Variants in PDSS1 observed in about 807,000 individuals in gnomAD.
PDSS1 encodes decaprenyl diphosphate synthase subunit 1.
A neutral mutation model predicts 57.5 loss-of-function variants in PDSS1; 43 were observed. That is an observed-to-expected ratio of 0.75 (90% CI 0.59 to 0.96). The LOEUF (loss-of-function observed/expected upper bound fraction) is 0.96, where lower values mean the gene tolerates loss of function less well. Ranked by LOEUF, PDSS1 falls within the 50% of genes least tolerant of loss-of-function variation. The pLI, the probability that PDSS1 is intolerant of heterozygous loss-of-function variation, is 0.00. For synonymous variants in PDSS1, 175 were observed against 191.3 expected, an observed-to-expected ratio of 0.91 and a Z score of 0.70; for missense variants, 438 against 527.8, an observed-to-expected ratio of 0.83 and a Z score of 1.67.
chr10:26,730,701 T>A (rs1011850520), intron 8 of PDSS1, among the ~76,000 whole-genome samples: 1 of 152,164 alleles, frequency 6.6e-6, no homozygotes, highest in African/African-American at 2.4e-5. Context: ...TTGCCCTGTT[T>A]TCTTCCCCTA....
At chr10:26,730,673 A>G (rs1432289694) in intron 8 of PDSS1, among the ~76,000 whole-genome samples, 1 of 152,142 alleles carries the variant, frequency 6.6e-6, no homozygotes, top group Non-Finnish European at 1.5e-5. Flanking sequence ...GAACTATACA[A>G]TACAGTAACT....
intron 4 of PDSS1, among the ~76,000 whole-genome samples, chr10:26,709,297 C>T (rs929633826): frequency 6.6e-6 from 1 of 152,224 alleles, no homozygotes; most frequent in Non-Finnish European, 1.5e-5. Context: ...CGGTGGCTCA[C>T]GCCTGTAATC....
At chr10:26,716,701 AAG>A (rs954597261) in intron 5 of PDSS1, among the ~76,000 whole-genome samples, 1 of 152,130 alleles carries the variant, frequency 6.6e-6, no homozygotes, top group Non-Finnish European at 1.5e-5. Flanking sequence ...AAAAAAAAAA[AAG>A]ATAATTTTTT....
At position 26,737,033 on chromosome 10, in the gene PDSS1, G is replaced by A. The variant is rs148556637; in HGVS notation, c.1026+1454G>A. 2.9e-4 allele frequency among the ~76,000 whole-genome samples: 44 copies of A among 152,308 alleles called. No individual in the cohort carries two copies. In the East Asian group the frequency reaches 8.3e-3, roughly 29 times the overall value. ...TTCTCAGATACTTGTTAGTAAACAT[G>A]AGTGAAGGAAAGCAAGATGGACTGA... On this transcript the variant is annotated intron_variant, in intron 10 of 11. Coordinates refer to ENST00000376215, the MANE Select transcript of PDSS1 (RefSeq NM_014317.5).
chr10:26,710,403 GC>G lies in PDSS1; in HGVS notation c.467+639del, dbSNP rs377625990. On this transcript the variant is annotated intron_variant, in intron 5 of 11. Transcript: ENST00000376215. ...TGGGACTACAGGCGCCTGCCACTGT[GC>G]CCCGCTAATTTTTTGTATTTTTAGT... Among the ~76,000 whole-genome samples, 395 of 92,458 alleles carry G rather than the reference GC, an allele frequency of 4.3e-3. 103 individuals carry two copies. Among genetic ancestry groups the G allele is most frequent in the African/African-American group, 0.013 (367 of 28,716 alleles). The allele number at this position is 92,458 out of a possible 152,430, so 60.7% of individuals were successfully genotyped here. A position where few individuals can be genotyped will look rare whatever the true frequency, so the allele number is the denominator to read the frequency against.
In PDSS1 at chr10:26,742,524, C is replaced by T. The variant is rs759262938; in HGVS notation, c.1054C>T (p.Arg352Ter). 1.6e-5 allele frequency: 26 copies of T among 1,611,678 alleles called. No homozygotes were observed. Among genetic ancestry groups the T allele is most frequent in the Non-Finnish European group, 2.2e-5 (26 of 1,178,502 alleles). The change falls in exon 11 of 12, where the codon CGA (arginine) becomes TGA (stop). Residue 352 changes from arginine to a stop codon, truncating the protein, a stop_gained. Transcript: ENST00000376215. LOFTEE classifies it high-confidence loss of function. Reference protein sequence around the residue: ...QFPEMNAMIMRRFSLPGDVDR... With the variant: ...QFPEMNAMIM ...CCCAGAAATGAATGCTATGATCATG[C>T]GACGGTTCAGTTTGCCTGGAGATGT...
intron 8 of PDSS1, among the ~76,000 whole-genome samples, chr10:26,727,905 A>C (rs1239314026): frequency 2.0e-5 from 3 of 151,942 alleles, no homozygotes; most frequent in Non-Finnish European, 4.4e-5. Flanking sequence ...TGAGCCTCTC[A>C]GTCGGGCTTC....
At chr10:26,732,535 A>G (rs1836247762) in intron 8 of PDSS1, among the ~76,000 whole-genome samples, 1 of 151,024 alleles carries the variant, frequency 6.6e-6, no homozygotes, top group African/African-American at 2.5e-5. Flanking sequence ...GAAGTGATGA[A>G]GAGAACAGTG....
At chr10:26,739,872 C>T (rs1165274184) in intron 10 of PDSS1, among the ~76,000 whole-genome samples, 2 of 152,144 alleles carry the variant, frequency 1.3e-5, no homozygotes, top group Non-Finnish European at 2.9e-5. Flanking sequence ...CACGGTGGCT[C>T]ACGCCTGTAA....
At chr10:26,724,240 G>T (rs1455263466) in intron 8 of PDSS1, 117 bp downstream of exon 8, 1 of 749,162 alleles carries the variant, frequency 1.3e-6, no homozygotes, top group Non-Finnish European at 2.4e-6. Flanking sequence ...ATCCCAAGAG[G>T]TTAATGAGGA....
intron 8 of PDSS1, among the ~76,000 whole-genome samples, chr10:26,733,618 G>A (rs910133656): frequency 1.3e-4 from 20 of 152,148 alleles, no homozygotes; most frequent in Middle Eastern, 3.2e-3. Context: ...GCAGAGGTGC[G>A]TGGACACTGC....
chr10:26,712,691 G>A lies in PDSS1; in HGVS notation c.467+2923G>A, dbSNP rs1430313999. ...CTTAAGAAGAAGGGATGAGGCTTCTGGAGAGCTGGGCCATTTGTGATTTTG... is the reference window on the plus strand; with the variant it reads ...CTTAAGAAGAAGGGATGAGGCTTCTAGAGAGCTGGGCCATTTGTGATTTTG... On this transcript the variant is annotated intron_variant, in intron 5 of 11. Coordinates refer to ENST00000376215, the MANE Select transcript of PDSS1 (RefSeq NM_014317.5). 3.0e-5 allele frequency among the ~76,000 whole-genome samples: 3 copies of A among 98,978 alleles called. 1 individual carries two copies. Among genetic ancestry groups the A allele is most frequent in the African/African-American group, 6.6e-5 (2 of 30,378 alleles). 64.9% of individuals were successfully genotyped at this position (98,978 alleles called of 152,430 possible).
Position 26,732,273 on chromosome 10 carries a change from A to T in PDSS1, c.832-2967A>T, listed in dbSNP as rs148503818. Among the ~76,000 whole-genome samples, 11 of 152,226 alleles carry T rather than the reference A, an allele frequency of 7.2e-5. No homozygotes were observed. The East Asian group carries it at 1.9e-3, about 27-fold the overall frequency. ...CAGATCTAGGCAGTACTGACCTGGG[A>T]TGGGGAAGCAGGACTCTCTGGCATG... is the stretch of plus-strand genomic sequence containing the variant. On this transcript the variant is annotated intron_variant, in intron 8 of 11. Coordinates refer to ENST00000376215, the MANE Select transcript of PDSS1 (RefSeq NM_014317.5).
At chr10:26,722,052 C>T (rs943879071) in intron 6 of PDSS1, among the ~76,000 whole-genome samples, 2 of 152,138 alleles carry the variant, frequency 1.3e-5, no homozygotes, top group South Asian at 2.1e-4. Flanking sequence ...CACCCCTGGC[C>T]GTCACAGTCC....
At chr10:26,733,880 G>A (rs1054783643) in intron 8 of PDSS1, among the ~76,000 whole-genome samples, 1 of 152,060 alleles carries the variant, frequency 6.6e-6, no homozygotes, top group Non-Finnish European at 1.5e-5. Flanking sequence ...AGACTGAGGC[G>A]GAAGGAACCC....
At chr10:26,734,776 T>TCA (rs1836333868) in intron 8 of PDSS1, 1 of 456,426 alleles carries the variant, frequency 2.2e-6, no homozygotes, top group African/African-American at 2.0e-5. Flanking sequence ...GAAAATTGTG[T>TCA]GTGATTACAT....
intron 10 of PDSS1, among the ~76,000 whole-genome samples, chr10:26,741,704 G>A (rs1836617120): frequency 6.6e-6 from 1 of 152,114 alleles, no homozygotes; most frequent in Admixed American, 6.5e-5. Flanking sequence ...TCCTAGGCCA[G>A]TGACTCTCAA....
In PDSS1 at chr10:26,723,882, C is replaced by T. The variant is rs142182789; in HGVS notation, c.686C>T (p.Ser229Phe). The change falls in exon 7 of 12, where the codon TCT (serine) becomes TTT (phenylalanine). Residue 229 changes from serine (S) to phenylalanine (F), a missense_variant. Ser to Phe is a radical substitution (Grantham distance 155, BLOSUM62 -2). Around this residue, in one of 2 missense-constraint regions of PDSS1, gnomAD observed 284 missense variants for 390.7 expected, o/e 0.73. Coordinates refer to ENST00000376215, the MANE Select transcript of PDSS1 (RefSeq NM_014317.5). ...LARIGNTTVI[S>F]ILTQVIEDLV... Reference sequence around the variant, plus strand: ...CGAATTGGAAATACAACTGTTATATCTATTTTAACCCAAGTTATTGAAGAT... The same window carrying T: ...CGAATTGGAAATACAACTGTTATATTTATTTTAACCCAAGTTATTGAAGAT... The T allele has an allele frequency of 1.2e-6, 2 of 1,612,120 alleles. No homozygotes were observed. The highest frequency in any genetic ancestry group is 1.7e-6 in the Non-Finnish European group (2 of 1,178,290).
Position 26,724,135 on chromosome 10 carries a change from C to G in PDSS1, c.831+12C>G, listed in dbSNP as rs760567882. Reference sequence around the variant, plus strand: ...ACAGTTGTAAAGCAGTATGTACGTTCTGTCTTTCTTCAAGTTAAAGCCTCA... The same window carrying G: ...ACAGTTGTAAAGCAGTATGTACGTTGTGTCTTTCTTCAAGTTAAAGCCTCA... On this transcript the variant is annotated intron_variant, in intron 8 of 11. Transcript: ENST00000376215. The G allele has an allele frequency of 1.3e-6, 2 of 1,554,184 alleles. No homozygotes were observed. Among genetic ancestry groups the G allele is most frequent in the East Asian group, 4.5e-5 (2 of 44,566 alleles).
Sources: gnomAD v4.1 joint callset for allele counts (sites outside exome capture counted in the v4.1 genomes callset) on GRCh38, gnomAD v4.1.1 for gene constraint, gnomAD v4.1.1 regional missense constraint, MANE v1.5 for transcripts, NCBI Gene and HGNC (gene_info 2026-07-23, HGNC 2026-07-21) for gene names.